DNTT: variants seen among roughly 807,000 people sequenced by gnomAD.
DNTT encodes the protein nucleosidetriphosphate:DNA deoxynucleotidylexotransferase.
In DNTT, 47 loss-of-function variants were observed where a neutral mutation model predicts 60.9. That is an observed-to-expected ratio of 0.77 (90% CI 0.61 to 0.98). The LOEUF is 0.98. Among genes scored for constraint, DNTT ranks in the 50% least tolerant of loss-of-function variants. The pLI is 0.00. For missense variants in DNTT, 665 were observed against 627.5 expected (o/e 1.06, Z -0.64); for synonymous variants, 224 against 221.2 (o/e 1.01, Z -0.11).
chr10:96,321,344 T>G (rs1341762611), intron 4 of DNTT, among the ~76,000 whole-genome samples: 1 of 152,036 alleles, frequency 6.6e-6, no homozygotes, highest in East Asian at 1.9e-4. Context: ...CCTGCGTCAC[T>G]TTTCCCATGA....
chr10:96,307,227 T>C (rs570100123), intron 1 of DNTT, among the ~76,000 whole-genome samples: 2 of 152,188 alleles, frequency 1.3e-5, no homozygotes, highest in South Asian at 2.1e-4. Flanking sequence ...GGTCAAATGA[T>C]ATCAACAAAT....
chr10:96,320,921 T>A, intron 4 of DNTT, 133 bp downstream of exon 4: 2 of 1,005,936 alleles, frequency 2.0e-6, no homozygotes, highest in Non-Finnish European at 1.4e-6. Flanking sequence ...TTATACATAT[T>A]CCTCTCTCTC....
Position 96,327,504 on chromosome 10 carries a change from C to G in DNTT, c.911C>G (p.Thr304Ser). Residue 304 changes from threonine (T) to serine (S), a missense_variant, in exon 7 of 11, where the codon ACC becomes AGC. Coordinates refer to ENST00000371174, the MANE Select transcript of DNTT (RefSeq NM_004088.4). Reference sequence around the variant, plus strand: ...TATGAAGACCTTGTCAGCTGTGTGACCAGGGCAGAAGCAGAGGCCGTCAGT... The same window carrying G: ...TATGAAGACCTTGTCAGCTGTGTGAGCAGGGCAGAAGCAGAGGCCGTCAGT... Reference protein sequence around the residue: ...LYYEDLVSCVTRAEAEAVSVL... With the variant: ...LYYEDLVSCVSRAEAEAVSVL... 12 of 1,614,060 alleles carry G rather than the reference C, an allele frequency of 7.4e-6. No individual in the cohort carries two copies. Among genetic ancestry groups the G allele is most frequent in the Non-Finnish European group, 1.0e-5 (12 of 1,179,944 alleles).
intron 1 of DNTT, among the ~76,000 whole-genome samples, chr10:96,307,927 C>T (rs373048847): frequency 6.6e-6 from 1 of 151,586 alleles, no homozygotes; most frequent in Non-Finnish European, 1.5e-5. Context: ...GCGGGCCATG[C>T]CCGGCTAATT....
intron 9 of DNTT, among the ~76,000 whole-genome samples, chr10:96,333,258 C>A (rs1782620333): frequency 6.6e-6 from 1 of 152,112 alleles, no homozygotes; most frequent in Admixed American, 6.5e-5. Context: ...AAATTAAAAC[C>A]ACAATAAGAT....
chr10:96,331,551 C>G (rs1198108238), intron 8 of DNTT, among the ~76,000 whole-genome samples: 2 of 152,216 alleles, frequency 1.3e-5, no homozygotes, highest in Middle Eastern at 6.8e-3. Context: ...TAACCCCCAG[C>G]TTTCACGGGA....
intron 1 of DNTT, chr10:96,306,373 T>C (rs1844637753): frequency 6.6e-6 from 1 of 152,240 alleles, no homozygotes; most frequent in Non-Finnish European, 1.5e-5. Context: ...ATTACAGGCA[T>C]GAGCCACCAC....
chr10:96,321,980 A>C (rs546642234), intron 4 of DNTT, among the ~76,000 whole-genome samples: 1 of 152,298 alleles, frequency 6.6e-6, no homozygotes, highest in African/African-American at 2.4e-5. Context: ...TCTTGACAGC[A>C]GGGAAATGGT....
chr10:96,332,431 T>G lies in DNTT; in HGVS notation c.1194T>G (p.Asp398Glu), dbSNP rs1845017569. The G allele has an allele frequency of 6.2e-7, 1 of 1,614,092 alleles. No homozygotes were observed. Among genetic ancestry groups the G allele is most frequent in the Non-Finnish European group, 8.5e-7 (1 of 1,180,040 alleles). The stretch of plus-strand genomic sequence containing the variant: ...CTAGCAGGAAGGTTGATGCTTTGGA[T>G]CATTTTCAAAAGTGCTTTCTGATTT... ...RLPSRKVDAL[D>E]HFQKCFLIFK... The change falls in exon 9 of 11, where the codon GAT becomes GAG. Residue 398 changes from aspartate (D) to glutamate (E), a missense_variant. By Grantham distance (45) the Asp-to-Glu change is conservative (BLOSUM62 2). Transcript: ENST00000371174.
At chr10:96,338,035 T>C (rs1006096867) in intron 10 of DNTT, 103 bp from the exon 11 acceptor site, 1 of 943,000 alleles carries the variant, frequency 1.1e-6, no homozygotes, top group Non-Finnish European at 1.6e-6. Context: ...TGGGCTGTAA[T>C]TCATTCTGAC....
At chr10:96,324,984 T>A (rs11816246) in intron 6 of DNTT, among the ~76,000 whole-genome samples, 1,811 of 152,278 alleles carry the variant, frequency 0.012, 35 homozygotes, top group African/African-American at 0.04. Flanking sequence ...CTCTTTCGCC[T>A]AAGACAAGAC....
At chr10:96,322,240 G>C (rs1292976399) in intron 4 of DNTT, among the ~76,000 whole-genome samples, 3 of 152,194 alleles carry the variant, frequency 2.0e-5, no homozygotes, top group African/African-American at 7.2e-5. Flanking sequence ...CTCTGAGCTA[G>C]ACATCACAAG....
At chr10:96,314,020 T>C (rs1844753824) in intron 1 of DNTT, among the ~76,000 whole-genome samples, 1 of 152,212 alleles carries the variant, frequency 6.6e-6, no homozygotes, top group Non-Finnish European at 1.5e-5. Context: ...TGGCAACTGT[T>C]CTTTCAAGTT....
intron 9 of DNTT, among the ~76,000 whole-genome samples, chr10:96,333,793 GAA>G (rs1564875537): frequency 6.6e-6 from 1 of 152,206 alleles, no homozygotes; most frequent in African/African-American, 2.4e-5. Context: ...GTACAGAATA[GAA>G]TGTAGAATGG....
At chr10:96,313,805 C>G (rs1372653223) in intron 1 of DNTT, among the ~76,000 whole-genome samples, 2 of 152,202 alleles carry the variant, frequency 1.3e-5, no homozygotes, top group Non-Finnish European at 2.9e-5. Flanking sequence ...CCATCAGAGG[C>G]AGGGCTGTGT....
intron 1 of DNTT, among the ~76,000 whole-genome samples, chr10:96,317,220 T>C (rs1394475985): frequency 3.9e-5 from 6 of 152,268 alleles, no homozygotes; most frequent in Non-Finnish European, 5.9e-5. Context: ...AAAAGAAAGA[T>C]GAGTATCATT....
intron 1 of DNTT, among the ~76,000 whole-genome samples, chr10:96,308,568 C>A (rs926476006): frequency 7.9e-5 from 12 of 152,202 alleles, no homozygotes; most frequent in African/African-American, 2.9e-4. Context: ...CTGTTATCAA[C>A]CCTCCTCCAT....
At chr10:96,336,117 G>A (rs954371852) in intron 10 of DNTT, 143 bp downstream of exon 10, 9 of 814,078 alleles carry the variant, frequency 1.1e-5, no homozygotes, top group Non-Finnish European at 1.8e-5. Context: ...ATAGTTGAGG[G>A]CAGCAAGAAA....
rs990956237 is a variant in DNTT, at chr10:96,335,296, G to C, written c.1360-595G>C. 4.6e-5 allele frequency among the ~76,000 whole-genome samples: 7 copies of C among 152,188 alleles called. 1 individual carries two copies. The highest frequency in any genetic ancestry group is 4.6e-4 in the Admixed American group (7 of 15,274). On this transcript the variant is annotated intron_variant, in intron 9 of 10. Transcript: ENST00000371174. ...CCTGACTGTGGGAGATGTCATCCAG[G>C]AGCAGTTGACTTAGACGATCAGTTT... is the stretch of plus-strand genomic sequence containing the variant.
Sources: gnomAD v4.1 joint callset for allele counts (sites outside exome capture counted in the v4.1 genomes callset) on GRCh38, gnomAD v4.1.1 for gene constraint, MANE v1.5 for transcripts, NCBI Gene and HGNC (gene_info 2026-07-23, HGNC 2026-07-21) for gene names.